Variants in IL1RAPL2 observed in about 807,000 individuals in gnomAD.
The protein encoded by IL1RAPL2 is interleukin 1 receptor accessory protein like 2.
IL1RAPL2 carries 3 observed loss-of-function variants against 44.1 expected under a neutral mutation model. The ratio of observed to expected loss-of-function variants is 0.07; its 90% CI spans 0.03 to 0.18. The LOEUF (loss-of-function observed/expected upper bound fraction) is 0.18, where lower values mean the gene tolerates loss of function less well. Ranked by LOEUF, IL1RAPL2 falls within the 10% of genes least tolerant of loss-of-function variation. The pLI is 1.00. For missense variants in IL1RAPL2, 391 were observed against 496.4 expected (o/e 0.79, Z 2.02); for synonymous variants, 181 against 178.8 (o/e 1.01, Z -0.10).
At chrX:105,671,103 C>T (rs891460269) in intron 6 of IL1RAPL2, among the ~76,000 whole-genome samples, 12 of 110,320 alleles carry the variant, frequency 1.1e-4, no homozygotes, top group African/African-American at 3.3e-4. Flanking sequence ...CCCACCACCA[C>T]GCCCTGCTAA....
At chrX:104,755,587 CTATGA>C (rs751745242) in intron 2 of IL1RAPL2, among the ~76,000 whole-genome samples, 2 of 110,868 alleles carry the variant, frequency 1.8e-5, no homozygotes, top group South Asian at 7.7e-4. Context: ...AGTGTCCATT[CTATGA>C]TCCATGAATG....
At chrX:105,740,089 C>T (rs1362851780) in intron 7 of IL1RAPL2, among the ~76,000 whole-genome samples, 1 of 108,928 alleles carries the variant, frequency 9.2e-6, no homozygotes, top group African/African-American at 3.4e-5. Context: ...TTGCATTTCT[C>T]TGATGGCCAG....
chrX:104,635,179 C>T (rs1384389521), intron 1 of IL1RAPL2, among the ~76,000 whole-genome samples: 4 of 111,973 alleles, frequency 3.6e-5, no homozygotes, highest in Non-Finnish European at 7.5e-5. Flanking sequence ...CCCCCACTCT[C>T]TTCTGGCTTA....
At chrX:105,115,735 T>C (rs1414787612) in intron 2 of IL1RAPL2, among the ~76,000 whole-genome samples, 3 of 112,995 alleles carry the variant, frequency 2.7e-5, no homozygotes, top group African/African-American at 6.4e-5. Flanking sequence ...CTGCCAGTTA[T>C]GCGCCTTGCG....
chrX:105,220,462 C>T, intron 3 of IL1RAPL2: 1 of 1,007,728 alleles, frequency 9.9e-7, no homozygotes, highest in Non-Finnish European at 1.3e-6. Context: ...AGGTTCCTTT[C>T]CTCCCCCTTA....
At chrX:104,817,929 G>A (rs1372025346) in intron 2 of IL1RAPL2, among the ~76,000 whole-genome samples, 1 of 111,043 alleles carries the variant, frequency 9.0e-6, no homozygotes, top group Non-Finnish European at 1.9e-5. Flanking sequence ...TTGAGCAACT[G>A]GTCCTGTGGT....
intron 1 of IL1RAPL2, among the ~76,000 whole-genome samples, chrX:104,585,199 G>GATA (rs1928484883): frequency 1.9e-4 from 11 of 56,868 alleles, no homozygotes; most frequent in African/African-American, 1.0e-3. Flanking sequence ...ACATGTATAT[G>GATA]TATTATATAT....
chrX:105,674,937 T>A (rs867257156), intron 6 of IL1RAPL2, among the ~76,000 whole-genome samples: 2 of 109,045 alleles, frequency 1.8e-5, no homozygotes, highest in Non-Finnish European at 3.8e-5. Flanking sequence ...GAAGGGGGGG[T>A]TCCTTCATGA....
chrX:104,722,040 C>T (rs1931689487), intron 2 of IL1RAPL2, among the ~76,000 whole-genome samples: 2 of 111,245 alleles, frequency 1.8e-5, no homozygotes, highest in South Asian at 3.8e-4. Flanking sequence ...TCATAGGTGC[C>T]TTGTTTAGTG....
intron 6 of IL1RAPL2, among the ~76,000 whole-genome samples, chrX:105,489,914 G>A (rs1306969279): frequency 2.8e-5 from 3 of 106,388 alleles, no homozygotes; most frequent in South Asian, 4.3e-4. Context: ...TGCAACCTCC[G>A]CCTCCCGGGT....
chrX:105,345,470 C>T (rs1433849121), intron 5 of IL1RAPL2, among the ~76,000 whole-genome samples: 2 of 111,604 alleles, frequency 1.8e-5, no homozygotes, highest in Non-Finnish European at 3.8e-5. Context: ...CCCTCCTGCC[C>T]TTCTGAGACC....
At chrX:105,026,783 A>G (rs1242225849) in intron 2 of IL1RAPL2, among the ~76,000 whole-genome samples, 1 of 110,880 alleles carries the variant, frequency 9.0e-6, no homozygotes, top group African/African-American at 3.3e-5. Context: ...TATACAGATT[A>G]AATGCAACCC....
At chrX:105,297,320 C>T (rs1211522395) in intron 5 of IL1RAPL2, among the ~76,000 whole-genome samples, 1 of 111,883 alleles carries the variant, frequency 8.9e-6, no homozygotes, top group Non-Finnish European at 1.9e-5. Context: ...ACCTTTTCAA[C>T]GGAGTAAAGA....
intron 7 of IL1RAPL2, among the ~76,000 whole-genome samples, chrX:105,726,605 C>A (rs181612488): frequency 1.6e-4 from 18 of 110,610 alleles, no homozygotes; most frequent in African/African-American, 5.9e-4. Context: ...GCCATAATGA[C>A]CCCCTCCTCC....
intron 2 of IL1RAPL2, among the ~76,000 whole-genome samples, chrX:104,916,547 G>C (rs2147687607): frequency 9.0e-6 from 1 of 111,296 alleles, no homozygotes; most frequent in Admixed American, 9.5e-5. Context: ...TTTCCTAATT[G>C]AATACCCTTT....
intron 2 of IL1RAPL2, among the ~76,000 whole-genome samples, chrX:105,077,582 T>C (rs937174897): frequency 1.8e-5 from 2 of 111,641 alleles, no homozygotes; most frequent in African/African-American, 3.3e-5. Flanking sequence ...TGAATTTGAA[T>C]GTTGGCCTGC....
intron 3 of IL1RAPL2, among the ~76,000 whole-genome samples, chrX:105,231,802 A>G (rs1197226190): frequency 8.9e-6 from 1 of 112,095 alleles, no homozygotes; most frequent in East Asian, 2.8e-4. Flanking sequence ...GAGCTAGATC[A>G]TGTATGGCCT....
intron 2 of IL1RAPL2, among the ~76,000 whole-genome samples, chrX:104,839,040 G>T (rs1379689752): frequency 9.3e-6 from 1 of 107,096 alleles, no homozygotes; most frequent in East Asian, 3.0e-4. Flanking sequence ...TTAGAGATGG[G>T]CTTTCATCAT....
intron 5 of IL1RAPL2, among the ~76,000 whole-genome samples, chrX:105,293,135 A>G (rs1429597124): frequency 1.0e-5 from 1 of 99,399 alleles, no homozygotes; most frequent in East Asian, 3.3e-4. Flanking sequence ...AAAAAAAAAA[A>G]GAGTGAAAGC....
Sources: gnomAD v4.1 joint callset for allele counts (sites outside exome capture counted in the v4.1 genomes callset) on GRCh38, gnomAD v4.1.1 for gene constraint, MANE v1.5 for transcripts, NCBI Gene and HGNC (gene_info 2026-07-23, HGNC 2026-07-21) for gene names.